The following PTPRQ variants were observed in gnomAD, a reference collection of about 807,000 sequenced individuals.
The protein encoded by PTPRQ is phosphatidylinositol phosphatase PTPRQ.
Under a neutral mutation model 246.0 loss-of-function variants are expected in PTPRQ, and 199 were observed. The ratio of observed to expected loss-of-function variants is 0.81; its 90% CI spans 0.72 to 0.91. The LOEUF (loss-of-function observed/expected upper bound fraction) is 0.91, where lower values mean the gene tolerates loss of function less well. PTPRQ is among the 40% of genes least tolerant of loss of function. The pLI, the probability that PTPRQ is intolerant of heterozygous loss-of-function variation, is 0.00. For synonymous variants in PTPRQ, 869 were observed against 853.2 expected (o/e 1.02, Z -0.32); for missense variants, 2,624 against 2,528.4 (o/e 1.04, Z -0.81).
chr12:80,501,058 G>T (rs552005192), intron 14 of PTPRQ, among the ~76,000 whole-genome samples: 97 of 151,968 alleles, frequency 6.4e-4, no homozygotes, highest in African/African-American at 2.3e-3. Flanking sequence ...TCCAGAGGAA[G>T]AACAGCAATT....
chr12:80,521,070 G>A (rs1476910605), intron 17 of PTPRQ, among the ~76,000 whole-genome samples: 6 of 152,058 alleles, frequency 3.9e-5, no homozygotes, highest in African/African-American at 4.8e-5. Flanking sequence ...GTGTGAGATG[G>A]TATCTCATTG....
chr12:80,521,771 T>C (rs1383673805), intron 17 of PTPRQ, among the ~76,000 whole-genome samples: 1 of 152,224 alleles, frequency 6.6e-6, no homozygotes, highest in Non-Finnish European at 1.5e-5. Context: ...AGTAGCCTTG[T>C]AGTATAGTTT....
chr12:80,626,718 C>T (rs1393111707), intron 33 of PTPRQ, among the ~76,000 whole-genome samples: 2 of 152,166 alleles, frequency 1.3e-5, no homozygotes, highest in Non-Finnish European at 2.9e-5. Flanking sequence ...CTGCAAATCA[C>T]TAAGTCCCCA....
At chr12:80,525,654 G>GTCTCTC (rs71816551) in intron 17 of PTPRQ, among the ~76,000 whole-genome samples, 5 of 147,290 alleles carry the variant, frequency 3.4e-5, no homozygotes, top group South Asian at 2.2e-4. Context: ...CTCTCTCTCT[G>GTCTCTC]TCTCTCTCTC....
At chr12:80,468,683 T>C (rs916871087) in intron 6 of PTPRQ, 27 bp from the exon 7 acceptor site, 2 of 1,509,824 alleles carry the variant, frequency 1.3e-6, no homozygotes, top group Admixed American at 2.3e-5. Flanking sequence ...ATATATGTTA[T>C]GTATTTATTT....
intron 27 of PTPRQ, among the ~76,000 whole-genome samples, chr12:80,610,133 CA>C (rs1592714177): frequency 6.6e-6 from 1 of 150,482 alleles, no homozygotes; most frequent in Admixed American, 6.7e-5. Flanking sequence ...CTTTCTTCTA[CA>C]AAATATTGGA....
intron 35 of PTPRQ, among the ~76,000 whole-genome samples, chr12:80,636,017 T>G (rs936933538): frequency 1.3e-5 from 2 of 152,184 alleles, no homozygotes; most frequent in African/African-American, 4.8e-5. Context: ...CAAGTATATT[T>G]CCAGCATATC....
chr12:80,654,180 C>T (rs1473124558), intron 38 of PTPRQ, among the ~76,000 whole-genome samples: 1 of 152,054 alleles, frequency 6.6e-6, no homozygotes, highest in Non-Finnish European at 1.5e-5. Flanking sequence ...ACTGCAACTT[C>T]TGCCTCCTGG....
intron 25 of PTPRQ, among the ~76,000 whole-genome samples, chr12:80,552,275 AAAAATGTC>A (rs1160322958): frequency 6.6e-6 from 1 of 152,058 alleles, no homozygotes; most frequent in Non-Finnish European, 1.5e-5. Context: ...TGTGGGAAGA[AAAAATGTC>A]AAAATGTCAA....
intron 33 of PTPRQ, among the ~76,000 whole-genome samples, chr12:80,623,430 T>A (rs1289082527): frequency 6.6e-6 from 1 of 152,204 alleles, no homozygotes; most frequent in Non-Finnish European, 1.5e-5. Context: ...ATTTTAAAGC[T>A]AGCTGATTAG....
intron 33 of PTPRQ, among the ~76,000 whole-genome samples, chr12:80,622,698 A>G (rs2121139553): frequency 6.6e-6 from 1 of 152,178 alleles, no homozygotes; most frequent in Non-Finnish European, 1.5e-5. Context: ...TTACATTACA[A>G]ATATGGGATT....
At chr12:80,593,207 T>A (rs1897860738) in intron 26 of PTPRQ, among the ~76,000 whole-genome samples, 1 of 152,186 alleles carries the variant, frequency 6.6e-6, no homozygotes, top group Non-Finnish European at 1.5e-5. Context: ...AACCTGGATC[T>A]TCTCTATAAA....
intron 17 of PTPRQ, among the ~76,000 whole-genome samples, chr12:80,524,298 T>G (rs1466067350): frequency 6.6e-6 from 1 of 152,138 alleles, no homozygotes; most frequent in African/African-American, 2.4e-5. Context: ...AGAACACTGA[T>G]GAGACCTGAT....
chr12:80,610,296 A>G (rs1372752141), intron 27 of PTPRQ, 143 bp from the exon 28 acceptor site: 1 of 591,976 alleles, frequency 1.7e-6, no homozygotes. Flanking sequence ...AGCACTTTAG[A>G]TTTCCCAGAG....
At position 80,542,153 on chromosome 12, in the gene PTPRQ, A is replaced by G. The variant is rs540764678; in HGVS notation, c.3510A>G (p.Ser1170=). 4 of 1,551,062 alleles carry G rather than the reference A, an allele frequency of 2.6e-6. No homozygotes were observed. The African/African-American group carries it at 4.1e-5, about 16-fold the overall frequency. ...KNLSSTSVLL[S]WDPPVKPNGA... Reference sequence around the variant, plus strand: ...TTTCCTCTACCTCAGTTCTCTTATCATGGGATCCCCCAGTAAAGCCAAATG... The same window carrying G: ...TTTCCTCTACCTCAGTTCTCTTATCGTGGGATCCCCCAGTAAAGCCAAATG... The change falls in exon 22 of 45, where the codon TCA becomes TCG. Residue 1170 remains serine, a synonymous_variant. Coordinates refer to ENST00000644991, the MANE Select transcript of PTPRQ (RefSeq NM_001145026.2).
intron 6 of PTPRQ, chr12:80,465,175 T>TA (rs1893349550): frequency 6.7e-6 from 1 of 149,270 alleles, no homozygotes; most frequent in Admixed American, 6.7e-5. Flanking sequence ...AAGGGGATAT[T>TA]ACCACTGATC....
At chr12:80,665,479 A>G (rs996542836) in intron 39 of PTPRQ, among the ~76,000 whole-genome samples, 2 of 151,970 alleles carry the variant, frequency 1.3e-5, no homozygotes, top group Non-Finnish European at 2.9e-5. Flanking sequence ...TGGCATTCCT[A>G]CCTGAATATC....
Position 80,632,135 on chromosome 12 carries a change from GATTCAAAAT to G in PTPRQ, c.5687-55_5687-47del, listed in dbSNP as rs754499118. The G allele has an allele frequency of 1.4e-3, 2,116 of 1,510,088 alleles. 5 individuals carry two copies. The highest frequency in any genetic ancestry group is 1.7e-3 in the Non-Finnish European group (1,878 of 1,126,544). The allele number at this position is 1,510,088 out of a possible 1,614,324, so 93.5% of individuals were successfully genotyped here. On this transcript the variant is annotated intron_variant, in intron 33 of 44. Transcript: ENST00000644991. ...AAGATAATATTTTTTGGTAGTTTGG[GATTCAAAAT>G]AAGATTCCATAATAATATTTAATGA...
At chr12:80,615,926 C>A (rs150508751) in intron 29 of PTPRQ, among the ~76,000 whole-genome samples, 2 of 150,746 alleles carry the variant, frequency 1.3e-5, no homozygotes, top group Non-Finnish European at 3.0e-5. Flanking sequence ...TTGTTCTCAG[C>A]GTTTAGTACC....
Sources: allele counts gnomAD v4.1 joint callset (sites outside exome capture counted in the v4.1 genomes callset), GRCh38; gene constraint gnomAD v4.1.1; transcripts MANE v1.5; gene names NCBI Gene and HGNC (gene_info 2026-07-23, HGNC 2026-07-21).